The following SDK1 variants were observed in gnomAD, a reference collection of about 807,000 sequenced individuals.
SDK1 encodes sidekick cell adhesion molecule 1.
SDK1 carries 157 observed loss-of-function variants against 245.5 expected under a neutral mutation model. That is an observed-to-expected ratio of 0.64 (90% CI 0.56 to 0.73). SDK1 has a LOEUF of 0.73. Ranked by LOEUF, SDK1 falls within the 30% of genes least tolerant of loss-of-function variation. SDK1 has a pLI of 0.00. For missense variants in SDK1, 3,583 were observed against 3,002.3 expected (o/e 1.19, Z -4.52); for synonymous variants, 1,647 against 1,278.5 (o/e 1.29, Z -6.15).
intron 1 of SDK1, among the ~76,000 whole-genome samples, chr7:3,441,584 AC>A (rs1343159999): frequency 4.2e-4 from 64 of 152,116 alleles, no homozygotes; most frequent in Non-Finnish European, 2.9e-5. Context: ...TCTCTTTGCA[AC>A]CACTCTATTT....
At chr7:4,160,031 G>GCA (rs1486100548) in intron 31 of SDK1, among the ~76,000 whole-genome samples, 1 of 152,168 alleles carries the variant, frequency 6.6e-6, no homozygotes, top group Non-Finnish European at 1.5e-5. Context: ...TGCAAATACT[G>GCA]CACCACTTTA....
At chr7:3,854,249 A>C (rs1383110411) in intron 5 of SDK1, among the ~76,000 whole-genome samples, 1 of 152,112 alleles carries the variant, frequency 6.6e-6, no homozygotes, top group South Asian at 2.1e-4. Flanking sequence ...TCATATCTCA[A>C]CTCTGTTCCT....
chr7:4,196,316 C>T (rs1393444142), intron 35 of SDK1, among the ~76,000 whole-genome samples: 1 of 152,182 alleles, frequency 6.6e-6, no homozygotes, highest in Admixed American at 6.5e-5. Context: ...TGCAGGAGCT[C>T]CTCCGGGCTG....
chr7:3,403,838 TATATATA>T (rs1338645526), intron 1 of SDK1, among the ~76,000 whole-genome samples: 1 of 57,036 alleles, frequency 1.8e-5, no homozygotes, highest in Non-Finnish European at 2.9e-5. Flanking sequence ...TATATATATA[TATATATA>T]TATATATATA....
intron 13 of SDK1, among the ~76,000 whole-genome samples, chr7:3,978,237 G>A (rs899544991): frequency 6.6e-6 from 1 of 152,072 alleles, no homozygotes; most frequent in Non-Finnish European, 1.5e-5. Flanking sequence ...AGTTCATAAA[G>A]ACTCTGTCAG....
At chr7:3,534,058 C>T (rs770526126) in intron 1 of SDK1, among the ~76,000 whole-genome samples, 1 of 152,090 alleles carries the variant, frequency 6.6e-6, no homozygotes, top group East Asian at 1.9e-4. Flanking sequence ...TTAGCAAATC[C>T]CTGCATTTGG....
chr7:4,096,393 C>A (rs961097045), intron 22 of SDK1, among the ~76,000 whole-genome samples: 1 of 152,076 alleles, frequency 6.6e-6, no homozygotes, highest in Non-Finnish European at 1.5e-5. Context: ...GAGCCACCCT[C>A]CCGGCAATGG....
intron 13 of SDK1, among the ~76,000 whole-genome samples, chr7:3,983,689 C>A (rs1362380323): frequency 6.6e-6 from 1 of 152,158 alleles, no homozygotes; most frequent in Non-Finnish European, 1.5e-5. Flanking sequence ...ATCACAAGGC[C>A]CTTCACATTA....
chr7:4,111,093 A>C (rs933548940), intron 23 of SDK1, among the ~76,000 whole-genome samples: 5 of 152,180 alleles, frequency 3.3e-5, no homozygotes, highest in Non-Finnish European at 7.4e-5. Flanking sequence ...GCACTTTACC[A>C]AACTCCACAA....
intron 5 of SDK1, among the ~76,000 whole-genome samples, chr7:3,927,705 A>G (rs1779822031): frequency 6.6e-6 from 1 of 152,228 alleles, no homozygotes; most frequent in Non-Finnish European, 1.5e-5. Context: ...GCCTGAACAT[A>G]CTTTGGCCAC....
chr7:3,635,316 CAAG>C (rs1782423386), intron 2 of SDK1, among the ~76,000 whole-genome samples: 1 of 152,100 alleles, frequency 6.6e-6, no homozygotes, highest in Admixed American at 6.6e-5. Context: ...CCTAGGAGCT[CAAG>C]AAGATTATCA....
chr7:3,961,578 C>T (rs938528371), intron 8 of SDK1, among the ~76,000 whole-genome samples: 2 of 151,406 alleles, frequency 1.3e-5, no homozygotes, highest in Admixed American at 6.6e-5. Context: ...TGGAGCGAGG[C>T]AGCTTTTCCT....
At chr7:4,106,427 C>T (rs546117377) in intron 22 of SDK1, among the ~76,000 whole-genome samples, 31 of 152,078 alleles carry the variant, frequency 2.0e-4, no homozygotes, top group Non-Finnish European at 2.4e-4. Flanking sequence ...CCTCAGCCTC[C>T]CAAGTAGCTG....
intron 4 of SDK1, among the ~76,000 whole-genome samples, chr7:3,740,518 C>G (rs1772002873): frequency 6.6e-6 from 1 of 152,118 alleles, no homozygotes; most frequent in Non-Finnish European, 1.5e-5. Context: ...CAGATACAGG[C>G]AAGCCTAAGA....
At chr7:4,103,501 T>A (rs1243659313) in intron 22 of SDK1, among the ~76,000 whole-genome samples, 2 of 152,236 alleles carry the variant, frequency 1.3e-5, no homozygotes, top group African/African-American at 4.8e-5. Flanking sequence ...GACAAAAATG[T>A]AAACCTTTTA....
chr7:4,055,670 G>T (rs1779150094), intron 19 of SDK1, among the ~76,000 whole-genome samples: 1 of 151,530 alleles, frequency 6.6e-6, no homozygotes, highest in African/African-American at 2.4e-5. Flanking sequence ...TCCTCTGCTT[G>T]CTTTGAGTGT....
At chr7:3,747,261 A>G (rs1045099090) in intron 4 of SDK1, among the ~76,000 whole-genome samples, 1 of 152,260 alleles carries the variant, frequency 6.6e-6, no homozygotes, top group African/African-American at 2.4e-5. Context: ...ATTTTATACC[A>G]TAACCAACAT....
intron 36 of SDK1, among the ~76,000 whole-genome samples, chr7:4,206,461 C>T (rs1319632924): frequency 6.6e-6 from 1 of 152,182 alleles, no homozygotes; most frequent in East Asian, 1.9e-4. Flanking sequence ...CAGGGTGGGG[C>T]CCGCCAGTCT....
chr7:3,936,356 C>T (rs924521909), intron 5 of SDK1, among the ~76,000 whole-genome samples: 13 of 151,708 alleles, frequency 8.6e-5, no homozygotes, highest in African/African-American at 2.4e-4. Context: ...CCGAGGCAGG[C>T]GGATCACAAG....
Sources: gnomAD v4.1 joint callset for allele counts (sites outside exome capture counted in the v4.1 genomes callset) on GRCh38, gnomAD v4.1.1 for gene constraint, MANE v1.5 for transcripts, NCBI Gene and HGNC (gene_info 2026-07-23, HGNC 2026-07-21) for gene names.